TMC3: variants seen among roughly 807,000 people sequenced by gnomAD.
The protein encoded by TMC3 is transmembrane channel-like protein 3.
Under a neutral mutation model 110.6 loss-of-function variants are expected in TMC3, and 98 were observed. That is an observed-to-expected ratio of 0.89 (90% CI 0.75 to 1.05). The LOEUF is 1.05. TMC3 is among the 50% of genes least tolerant of loss of function. TMC3 has a pLI of 0.00. For synonymous variants in TMC3, 489 were observed against 513.1 expected, an observed-to-expected ratio of 0.95 and a Z score of 0.63; for missense variants, 1,319 against 1,373.2, an observed-to-expected ratio of 0.96 and a Z score of 0.62.
At position 81,372,678 on chromosome 15, in the gene TMC3, A is replaced by T; in HGVS notation, c.149T>A (p.Ile50Asn). ...TTTCTGGAACTGTATATTCTGGAAG[A>T]TTTGTTCCGGATCATTGCTGTCCCC... Reference protein sequence around the residue: ...ETGDSNDPEQIFQNIQFQKDL... With the variant: ...ETGDSNDPEQNFQNIQFQKDL... Residue 50 changes from isoleucine (I) to asparagine (N), a missense_variant, in exon 2 of 22, where the codon ATC becomes AAC. By Grantham distance (149) the Ile-to-Asn change is moderately radical (BLOSUM62 -3). Coordinates refer to ENST00000359440, the MANE Select transcript of TMC3 (RefSeq NM_001080532.3). 6.2e-7 allele frequency: 1 copy of T among 1,613,950 alleles called. No individual in the cohort carries two copies. The highest frequency in any genetic ancestry group is 8.5e-7 in the Non-Finnish European group (1 of 1,179,868).
chr15:81,333,375 A>G lies in TMC3; in HGVS notation c.2460-113T>C, dbSNP rs893688941. 65 of 1,399,182 alleles carry G rather than the reference A, an allele frequency of 4.6e-5. No individual in the cohort carries two copies. In the African/African-American group the frequency reaches 5.3e-4, roughly 11 times the overall value. 86.7% of individuals were successfully genotyped at this position (1,399,182 alleles called of 1,614,324 possible). A position where few individuals can be genotyped will look rare whatever the true frequency, so the allele number is the denominator to read the frequency against. On this transcript the variant is annotated intron_variant, in intron 21 of 21. Coordinates refer to ENST00000359440, the MANE Select transcript of TMC3 (RefSeq NM_001080532.3). ...AGCATTTTCACTGAGGCTGGTTCCA[A>G]CTGGTTAATGGGTATGGATTGTGTG... is the stretch of plus-strand genomic sequence containing the variant.
At chr15:81,349,129 C>T (rs779830237) in intron 11 of TMC3, among the ~76,000 whole-genome samples, 1 of 152,168 alleles carries the variant, frequency 6.6e-6, no homozygotes, top group African/African-American at 2.4e-5. Flanking sequence ...CCACGCCCGA[C>T]CCTTGGTTCC....
chr15:81,366,019 G>A (rs1596096600), intron 3 of TMC3, among the ~76,000 whole-genome samples: 1 of 152,214 alleles, frequency 6.6e-6, no homozygotes, highest in African/African-American at 2.4e-5. Context: ...ATACATGTAT[G>A]TATCATACAG....
Position 81,359,483 on chromosome 15 carries a change from C to T in TMC3, c.395-12G>A. The T allele has an allele frequency of 6.6e-7, 1 of 1,524,818 alleles. No individual in the cohort carries two copies. Among genetic ancestry groups the T allele is most frequent in the South Asian group, 1.2e-5 (1 of 81,094 alleles). The allele number at this position is 1,524,818 out of a possible 1,614,324, so 94.5% of individuals were successfully genotyped here. A position where few individuals can be genotyped will look rare whatever the true frequency, so the allele number is the denominator to read the frequency against. ...AGATCCAAAATGACCTAAAGAAAGACAAGATAATGAGAACAGTTTAAATAA... is the reference window on the plus strand; with the variant it reads ...AGATCCAAAATGACCTAAAGAAAGATAAGATAATGAGAACAGTTTAAATAA... On this transcript the variant is annotated splice_polypyrimidine_tract_variant and intron_variant, in intron 4 of 21. Transcript: ENST00000359440.
chr15:81,365,498 C>T (rs1894291196), intron 3 of TMC3, among the ~76,000 whole-genome samples: 1 of 151,828 alleles, frequency 6.6e-6, no homozygotes, highest in East Asian at 1.9e-4. Flanking sequence ...TGGTGAAACC[C>T]CATCTCTACT....
At position 81,344,964 on chromosome 15, in the gene TMC3, G is replaced by A; in HGVS notation, c.1320C>T (p.Thr440=). Residue 440 remains threonine (T), a synonymous_variant, in exon 13 of 22, where the codon ACC becomes ACT. Coordinates refer to ENST00000359440, the MANE Select transcript of TMC3 (RefSeq NM_001080532.3). The stretch of plus-strand genomic sequence containing the variant: ...CAGGGGCTGTCCTGGTTGCAAAGAA[G>A]GTGGTGGAATCTATCCAATGACTTG... ...NNTSHWIDST[T]FFATRTAPEE... is the part of the protein sequence containing the mutation. 1.2e-6 allele frequency: 2 copies of A among 1,606,650 alleles called. No homozygotes were observed. The highest frequency in any genetic ancestry group is 1.7e-6 in the Non-Finnish European group (2 of 1,176,458).
chr15:81,332,539 C>A lies in TMC3; in HGVS notation c.3183G>T (p.Leu1061=), dbSNP rs946929156. The A allele has an allele frequency of 5.0e-6, 8 of 1,613,854 alleles. No homozygotes were observed. The highest frequency in any genetic ancestry group is 6.8e-6 in the Non-Finnish European group (8 of 1,179,854). Residue 1061 remains leucine (L), a synonymous_variant, in exon 22 of 22, where the codon CTG becomes CTT. Coordinates refer to ENST00000359440, the MANE Select transcript of TMC3 (RefSeq NM_001080532.3). ...ACCTGCCCTGGCTGTGGGTGACCTG[C>A]AGGTACTGGTCAGCGCTGCTGTTCT... ...DQQNSSADQY[L]QVTHSQGRFP...
intron 3 of TMC3, among the ~76,000 whole-genome samples, chr15:81,362,995 C>T (rs1157534263): frequency 2.6e-5 from 4 of 152,184 alleles, no homozygotes; most frequent in South Asian, 2.1e-4. Context: ...CGGTGGCTCA[C>T]GCCTGTAATC....
chr15:81,365,978 T>C (rs1044452618), intron 3 of TMC3, among the ~76,000 whole-genome samples: 3 of 152,210 alleles, frequency 2.0e-5, no homozygotes, highest in Non-Finnish European at 2.9e-5. Flanking sequence ...CATATCATTA[T>C]ACATACATAT....
intron 16 of TMC3, among the ~76,000 whole-genome samples, chr15:81,340,224 G>GTCTCTC (rs5814056): frequency 7.4e-5 from 11 of 148,260 alleles, no homozygotes; most frequent in Non-Finnish European, 1.5e-4. Context: ...CTCTGTCTCT[G>GTCTCTC]TCTCTCTCTC....
chr15:81,341,467 G>C lies in TMC3; in HGVS notation c.1767C>G (p.Leu589=). Residue 589 remains leucine, a synonymous_variant, in exon 16 of 22, where the codon CTC becomes CTG. Transcript: ENST00000359440. Reference sequence around the variant, plus strand: ...AGCTTCTCAGGTACATGAGCCCAATGAGTTTGAGAACGTTGAACGCTGGGA... The same window carrying C: ...AGCTTCTCAGGTACATGAGCCCAATCAGTTTGAGAACGTTGAACGCTGGGA... The part of the protein sequence containing the change: ...PCLPAFNVLK[L]IGLMYLRSWA... 1 of 1,611,686 alleles carries C rather than the reference G, an allele frequency of 6.2e-7. No homozygotes were observed. The highest frequency in any genetic ancestry group is 8.5e-7 in the Non-Finnish European group (1 of 1,178,822).
At chr15:81,346,591 T>G (rs1893834244) in intron 11 of TMC3, 148 bp from the exon 12 acceptor site, 1 of 762,762 alleles carries the variant, frequency 1.3e-6, no homozygotes, top group South Asian at 1.7e-5. Context: ...CTTGCGGGCA[T>G]TTTTAAAAAG....
Position 81,332,594 on chromosome 15 carries a change from G to C in TMC3, c.3128C>G (p.Ser1043Cys). Reference protein sequence around the residue: ...RFEPSLTESDSVSAASSSDQQ... With the variant: ...RFEPSLTESDCVSAASSSDQQ... Reference sequence around the variant, plus strand: ...GTCACTGCTGGATGCTGCCGACACGGAGTCAGATTCCGTGAGGGATGGCTC... The same window carrying C: ...GTCACTGCTGGATGCTGCCGACACGCAGTCAGATTCCGTGAGGGATGGCTC... Residue 1043 changes from serine to cysteine, a missense_variant, in exon 22 of 22, where the codon TCC becomes TGC. Physicochemically the swap from Ser to Cys is moderately radical, Grantham distance 112 (BLOSUM62 -1). Transcript: ENST00000359440. 6.2e-7 allele frequency: 1 copy of C among 1,613,982 alleles called. No homozygotes were observed. The highest frequency in any genetic ancestry group is 1.7e-5 in the Admixed American group (1 of 60,016).
chr15:81,348,888 C>T (rs963789892), intron 11 of TMC3, among the ~76,000 whole-genome samples: 16 of 152,302 alleles, frequency 1.1e-4, no homozygotes, highest in Middle Eastern at 3.4e-3. Context: ...CTTGGCTCAC[C>T]GCAACCTTGA....
At chr15:81,360,016 A>G (rs1408307645) in intron 4 of TMC3, among the ~76,000 whole-genome samples, 1 of 152,140 alleles carries the variant, frequency 6.6e-6, no homozygotes, top group Non-Finnish European at 1.5e-5. Context: ...ATTTATATCT[A>G]TTGAGAAAAT....
Position 81,343,898 on chromosome 15 carries a change from G to T in TMC3, c.1647+19C>A. On this transcript the variant is annotated intron_variant, in intron 14 of 21. Transcript: ENST00000359440. ...TTTGGCCATATAAACTTTCCCAACA[G>T]ACACAGCATTTTACTTACAAACTTG... The T allele has an allele frequency of 1.2e-6, 2 of 1,608,938 alleles. No individual in the cohort carries two copies. The highest frequency in any genetic ancestry group is 2.2e-5 in the South Asian group (2 of 90,704).
rs772672464 is a variant in TMC3, at chr15:81,358,400, A to AC, written c.600+1dup. The AC allele has an allele frequency of 2.5e-6, 4 of 1,611,656 alleles. No homozygotes were observed. In the East Asian group the frequency reaches 8.9e-5, roughly 36 times the overall value. ...AAGAGTGTGGCCAAGCATCAATCTC[A>AC]CCCCCAGAGACCAGACGGTGTCCAG... On this transcript the variant is annotated splice_donor_variant, in intron 6 of 21. Transcript: ENST00000359440. LOFTEE classifies it high-confidence loss of function.
At chr15:81,333,347 C>T in intron 21 of TMC3, 85 bp from the exon 22 acceptor site, 1 of 1,516,472 alleles carries the variant, frequency 6.6e-7, no homozygotes, top group East Asian at 2.3e-5. Flanking sequence ...GAGCAGTTCT[C>T]TGAGCATTTT....
rs4073140 is a variant in TMC3, at chr15:81,341,491, G to A, written c.1743C>T (p.Leu581=). The change falls in exon 16 of 22, where the codon CTC becomes CTT. Residue 581 remains leucine (L), a synonymous_variant. Coordinates refer to ENST00000359440, the MANE Select transcript of TMC3 (RefSeq NM_001080532.3). ...IWMGAFFSPC[L]PAFNVLKLIG... ...TGAGTTTGAGAACGTTGAACGCTGG[G>A]AGACATGGGGAGAAGAAGGCCCCCA... is the stretch of plus-strand genomic sequence containing the variant. 1 of 1,610,866 alleles carries A rather than the reference G, an allele frequency of 6.2e-7. No homozygotes were observed. Among genetic ancestry groups the A allele is most frequent in the Non-Finnish European group, 8.5e-7 (1 of 1,178,468 alleles).
Sources: gnomAD v4.1 joint callset for allele counts (sites outside exome capture counted in the v4.1 genomes callset) on GRCh38, gnomAD v4.1.1 for gene constraint, MANE v1.5 for transcripts, NCBI Gene and HGNC (gene_info 2026-07-23, HGNC 2026-07-21) for gene names.